The following ATXN2L variants were observed in gnomAD, a reference collection of about 807,000 sequenced individuals.
ATXN2L encodes the protein ataxin-2-like protein.
In ATXN2L, 24 loss-of-function variants were observed where a neutral mutation model predicts 120.7. That is an observed-to-expected ratio of 0.20 (90% CI 0.14 to 0.28). ATXN2L has a LOEUF of 0.28. Ranked by LOEUF, ATXN2L falls within the 10% of genes least tolerant of loss-of-function variation. The pLI, the probability that ATXN2L is intolerant of heterozygous loss-of-function variation, is 1.00. For missense variants in ATXN2L, 1,312 were observed against 1,432.3 expected, an observed-to-expected ratio of 0.92 and a Z score of 1.36; for synonymous variants, 653 against 568.1, an observed-to-expected ratio of 1.15 and a Z score of -2.13.
At position 28,832,302 on chromosome 16, in the gene ATXN2L, C is replaced by G. The variant is rs377548200; in HGVS notation, c.1419C>G (p.Thr473=). 2.5e-6 allele frequency: 4 copies of G among 1,614,178 alleles called. No individual in the cohort carries two copies. The Admixed American group carries it at 6.7e-5, about 27-fold the overall frequency. Residue 473 remains threonine, a synonymous_variant, in exon 11 of 22, where the codon ACC becomes ACG. Transcript: ENST00000336783. ...CTCCCATCGGCTCGGCAGTGCCAACCTCTTCAGCCTCCATCCCTGTGACCT... is the reference window on the plus strand; with the variant it reads ...CTCCCATCGGCTCGGCAGTGCCAACGTCTTCAGCCTCCATCCCTGTGACCT... ...PEPPIGSAVP[T]SSASIPVTSS...
At chr16:28,824,417 C>A (rs2050953739) in intron 1 of ATXN2L, 1 of 1,281,182 alleles carries the variant, frequency 7.8e-7, no homozygotes, top group East Asian at 5.6e-5. Context: ...GCGAGGCCTC[C>A]CGGTGGATGG....
intron 21 of ATXN2L, 29 bp from the exon 22 acceptor site, chr16:28,835,904 C>T (rs377044287): frequency 2.9e-4 from 449 of 1,551,202 alleles, no homozygotes; most frequent in Non-Finnish European, 3.1e-4. Flanking sequence ...ATTCTGTGGT[C>T]TTCCCGGCTA....
Position 28,823,122 on chromosome 16 carries a change from C to T in ATXN2L, c.-138C>T. On this transcript the variant is annotated 5_prime_UTR_variant, in exon 1 of 22. Coordinates refer to ENST00000336783, the MANE Select transcript of ATXN2L (RefSeq NM_007245.4). ...GGTCTTCTCTCTCCACCCCCGACAC[C>T]GCGGGGCTCCCCCCGCCCGCCCACG... The T allele has an allele frequency of 2.3e-6, 1 of 438,020 alleles. No homozygotes were observed. Among genetic ancestry groups the T allele is most frequent in the Non-Finnish European group, 3.8e-6 (1 of 264,500 alleles). The allele number at this position is 438,020 out of a possible 1,614,324, so 27.1% of individuals were successfully genotyped here.
At position 28,836,871 on chromosome 16, in the gene ATXN2L, C is replaced by G. The variant is rs545646980; in HGVS notation, c.*606C>G. ...GCAGCTCGGACCACTCCCAGCCCCCCATCCCCCCGTTCCCCAGGGGAGCTG... is the reference window on the plus strand; with the variant it reads ...GCAGCTCGGACCACTCCCAGCCCCCGATCCCCCCGTTCCCCAGGGGAGCTG... On this transcript the variant is annotated 3_prime_UTR_variant, in exon 22 of 22. Transcript: ENST00000336783. 179 of 1,346,876 alleles carry G rather than the reference C, an allele frequency of 1.3e-4. No homozygotes were observed. Among genetic ancestry groups the G allele is most frequent in the Non-Finnish European group, 1.8e-4 (173 of 957,756 alleles). 83.4% of individuals were successfully genotyped at this position (1,346,876 alleles called of 1,614,324 possible).
intron 6 of ATXN2L, among the ~76,000 whole-genome samples, chr16:28,827,599 C>G (rs1465840737): frequency 6.6e-6 from 1 of 151,526 alleles, no homozygotes; most frequent in Non-Finnish European, 1.5e-5. Context: ...AGGCTGAGCG[C>G]AGTGGCTCAT....
chr16:28,832,809 T>A lies in ATXN2L; in HGVS notation c.1589-8T>A. The A allele has an allele frequency of 6.2e-7, 1 of 1,613,960 alleles. No individual in the cohort carries two copies. Among genetic ancestry groups the A allele is most frequent in the Non-Finnish European group, 8.5e-7 (1 of 1,179,842 alleles). On this transcript the variant is annotated splice_polypyrimidine_tract_variant and splice_region_variant and intron_variant, in intron 12 of 21. Coordinates refer to ENST00000336783, the MANE Select transcript of ATXN2L (RefSeq NM_007245.4). ...TGTATTTTCTTCTTTTTGACTGTTTTCTCATAGTCCCTGGTCTTCAGAATG... is the reference window on the plus strand; with the variant it reads ...TGTATTTTCTTCTTTTTGACTGTTTACTCATAGTCCCTGGTCTTCAGAATG...
In ATXN2L at chr16:28,836,613, G is replaced by C; in HGVS notation, c.*348G>C. 4 of 1,593,492 alleles carry C rather than the reference G, an allele frequency of 2.5e-6. No homozygotes were observed. The highest frequency in any genetic ancestry group is 2.2e-5 in the South Asian group (2 of 89,578). On this transcript the variant is annotated 3_prime_UTR_variant, in exon 22 of 22. Coordinates refer to ENST00000336783, the MANE Select transcript of ATXN2L (RefSeq NM_007245.4). ...CTTCTGACAGCCCCCGAGACACCTT[G>C]AGGAGGCCGCTCCTTCCCAGACACA...
chr16:28,835,989 C>T lies in ATXN2L; in HGVS notation c.2952C>T (p.His984=). The T allele has an allele frequency of 6.5e-7, 1 of 1,545,702 alleles. No homozygotes were observed. Among genetic ancestry groups the T allele is most frequent in the Non-Finnish European group, 8.7e-7 (1 of 1,145,520 alleles). The change falls in exon 22 of 22, where the codon CAC becomes CAT. Residue 984 remains histidine, a synonymous_variant. Coordinates refer to ENST00000336783, the MANE Select transcript of ATXN2L (RefSeq NM_007245.4). ...AAPPPHPGAP[H]PPQVMLLHPP... is the part of the protein sequence containing the mutation. Reference sequence around the variant, plus strand: ...CGCCCCCTCACCCTGGGGCTCCCCACCCGCCCCAGGTGATGCTGCTGCACC... The same window carrying T: ...CGCCCCCTCACCCTGGGGCTCCCCATCCGCCCCAGGTGATGCTGCTGCACC...
At chr16:28,829,719 G>C (rs757199488) in intron 7 of ATXN2L, 139 bp from the exon 8 acceptor site, 1 of 907,140 alleles carries the variant, frequency 1.1e-6, no homozygotes, top group Non-Finnish European at 1.7e-6. Flanking sequence ...GGATGCAGTC[G>C]GTGCCCGTTA....
intron 1 of ATXN2L, among the ~76,000 whole-genome samples, chr16:28,824,985 G>A (rs1272162864): frequency 6.6e-6 from 1 of 151,694 alleles, no homozygotes; most frequent in East Asian, 1.9e-4. Flanking sequence ...AAGGTGGGAG[G>A]ATCCCTTGAG....
intron 10 of ATXN2L, 61 bp from the exon 11 acceptor site, chr16:28,832,144 C>T: frequency 6.4e-7 from 1 of 1,564,418 alleles, no homozygotes; most frequent in Non-Finnish European, 8.8e-7. Context: ...TTGAGTAAGG[C>T]CCTTGTACTC....
At position 28,833,361 on chromosome 16, in the gene ATXN2L, G is replaced by A. The variant is rs1324765156; in HGVS notation, c.1955+7G>A. On this transcript the variant is annotated splice_region_variant and intron_variant, in intron 14 of 21. Coordinates refer to ENST00000336783, the MANE Select transcript of ATXN2L (RefSeq NM_007245.4). ...ATGAGGGCCCTGTTGCTGAGTGAGT[G>A]GAGCGGGGTGGGGCTCTGGGAGGAT... is the stretch of plus-strand genomic sequence containing the variant. The A allele has an allele frequency of 1.9e-6, 3 of 1,613,070 alleles. No individual in the cohort carries two copies. Among genetic ancestry groups the A allele is most frequent in the Admixed American group, 3.3e-5 (2 of 59,980 alleles).
At position 28,833,265 on chromosome 16, in the gene ATXN2L, G is replaced by C; in HGVS notation, c.1866G>C (p.Glu622Asp). Residue 622 changes from glutamate to aspartate, a missense_variant, in exon 14 of 22, where the codon GAG becomes GAC. Transcript: ENST00000336783. The stretch of plus-strand genomic sequence containing the variant: ...CATCAGGAGGCACTGAGGGGCCAGA[G>C]CAGCCCCCACCACCTTGTCCAAGCC... ...LAPSGGTEGP[E>D]QPPPPCPSQT... is the part of the protein sequence containing the mutation. 6.2e-7 allele frequency: 1 copy of C among 1,614,226 alleles called. No individual in the cohort carries two copies. The highest frequency in any genetic ancestry group is 8.5e-7 in the Non-Finnish European group (1 of 1,180,030).
In ATXN2L at chr16:28,836,136, C is replaced by T. The variant is rs563172958; in HGVS notation, c.3099C>T (p.Gly1033=). ...GACACCCCCAAGGTGAGCAGCCTGG[C>T]CAGGCGCCTGGATTTCCAGGAGGAG... is the stretch of plus-strand genomic sequence containing the variant. ...YIGHPQGEQP[G]QAPGFPGGAD... is the part of the protein sequence containing the mutation. The change falls in exon 22 of 22, where the codon GGC becomes GGT. Residue 1033 remains glycine (G), a synonymous_variant. Coordinates refer to ENST00000336783, the MANE Select transcript of ATXN2L (RefSeq NM_007245.4). 2.5e-6 allele frequency: 4 copies of T among 1,614,146 alleles called. No individual in the cohort carries two copies. Among genetic ancestry groups the T allele is most frequent in the African/African-American group, 1.3e-5 (1 of 75,036 alleles).
rs962844701 is a variant in ATXN2L, at chr16:28,837,042, G to A, written c.*777G>A. The A allele has an allele frequency of 1.5e-6, 1 of 655,276 alleles. No homozygotes were observed. The highest frequency in any genetic ancestry group is 1.8e-5 in the African/African-American group (1 of 55,976). 40.6% of individuals were successfully genotyped at this position (655,276 alleles called of 1,614,324 possible). A position where few individuals can be genotyped will look rare whatever the true frequency, so the allele number is the denominator to read the frequency against. ...TCCTCTCATCTATTCCCCCGCTGGAGACGGAAGATCTTTTATTTTCTATTA... is the reference window on the plus strand; with the variant it reads ...TCCTCTCATCTATTCCCCCGCTGGAAACGGAAGATCTTTTATTTTCTATTA... On this transcript the variant is annotated 3_prime_UTR_variant, in exon 22 of 22. Coordinates refer to ENST00000336783, the MANE Select transcript of ATXN2L (RefSeq NM_007245.4).
intron 10 of ATXN2L, among the ~76,000 whole-genome samples, chr16:28,831,549 C>T (rs1043000037): frequency 6.6e-6 from 1 of 152,038 alleles, no homozygotes; most frequent in Non-Finnish European, 1.5e-5. Flanking sequence ...AGGCTGATCT[C>T]GAACTCCTGA....
Position 28,836,868 on chromosome 16 carries a change from C to T in ATXN2L, c.*603C>T. Reference sequence around the variant, plus strand: ...CCAGCAGCTCGGACCACTCCCAGCCCCCCATCCCCCCGTTCCCCAGGGGAG... The same window carrying T: ...CCAGCAGCTCGGACCACTCCCAGCCTCCCATCCCCCCGTTCCCCAGGGGAG... On this transcript the variant is annotated 3_prime_UTR_variant, in exon 22 of 22. Transcript: ENST00000336783. 7.4e-7 allele frequency: 1 copy of T among 1,355,504 alleles called. No homozygotes were observed. 84.0% of individuals were successfully genotyped at this position (1,355,504 alleles called of 1,614,324 possible).
Position 28,831,004 on chromosome 16 carries a change from G to C in ATXN2L, c.1253G>C (p.Gly418Ala). Residue 418 changes from glycine to alanine, a missense_variant, in exon 10 of 22, where the codon GGT (glycine) becomes GCT (alanine). Coordinates refer to ENST00000336783, the MANE Select transcript of ATXN2L (RefSeq NM_007245.4). ...CCAAAGGCACAACGGCCTCTGAGAG[G>C]TGCCAAGACTCTGTCTTCGCCCAGT... ...MSPKAQRPLRGAKTLSSPSNR... is the reference protein window; with the variant it reads ...MSPKAQRPLRAAKTLSSPSNR... The C allele has an allele frequency of 6.2e-7, 1 of 1,608,760 alleles. No homozygotes were observed. The highest frequency in any genetic ancestry group is 8.5e-7 in the Non-Finnish European group (1 of 1,179,084).
rs1165074003 is a variant in ATXN2L at position 28,823,558 on chromosome 16, G to T, written c.299G>T (p.Arg100Met). The T allele has an allele frequency of 1.3e-5, 18 of 1,343,960 alleles. No homozygotes were observed. The highest frequency in any genetic ancestry group is 1.5e-5 in the African/African-American group (1 of 65,168). 83.3% of individuals were successfully genotyped at this position (1,343,960 alleles called of 1,614,324 possible). A position where few individuals can be genotyped will look rare whatever the true frequency, so the allele number is the denominator to read the frequency against. The change falls in exon 1 of 22, where the codon AGG becomes ATG. Residue 100 changes from arginine (R) to methionine (M), a missense_variant and splice_region_variant. Transcript: ENST00000336783. ...GGGGCAGCCGCCATCGGCAGCGCCA[G>T]GTGAGAAGGGTGGGCTCCGGGCGAG... ...RPGAAAIGSA[R>M]GQSTGKGPPQ...
Sources: gnomAD v4.1 joint callset for allele counts (sites outside exome capture counted in the v4.1 genomes callset) on GRCh38, gnomAD v4.1.1 for gene constraint, MANE v1.5 for transcripts, NCBI Gene and HGNC (gene_info 2026-07-23, HGNC 2026-07-21) for gene names.